Variants in USP17L2 observed in about 807,000 individuals in gnomAD.
USP17L2 encodes the protein ubiquitin specific peptidase 17 like family member 2.
A neutral mutation model predicts 39.8 loss-of-function variants in USP17L2; 29 were observed. That is an observed-to-expected ratio of 0.73 (90% CI 0.54 to 0.99). The LOEUF is 0.99. Among genes scored for constraint, USP17L2 ranks in the 50% least tolerant of loss-of-function variants. The pLI, the probability that USP17L2 is intolerant of heterozygous loss-of-function variation, is 0.00. For missense variants in USP17L2, 567 were observed against 647.2 expected (o/e 0.88, Z 1.35); for synonymous variants, 231 against 252.7 (o/e 0.91, Z 0.81).
At position 12,137,682 on chromosome 8, in the gene USP17L2, G is replaced by T; in HGVS notation, c.1079C>A (p.Thr360Asn). The T allele has an allele frequency of 1.3e-6, 2 of 1,533,626 alleles. No individual in the cohort carries two copies. Among genetic ancestry groups the T allele is most frequent in the Non-Finnish European group, 1.8e-6 (2 of 1,134,730 alleles). ...ATAGGCCTGTTGACTCAGGACAGAA[G>T]TGATGCTACAGGCAGTGACCTTGGC... ...DDAKVTACSI[T>N]SVLSQQAYVL... is the part of the protein sequence containing the mutation. Residue 360 changes from threonine (T) to asparagine (N), a missense_variant, in exon 1 of 1, where the codon ACT becomes AAT. Around this residue, in one of 6 missense-constraint regions of USP17L2, gnomAD observed 304 missense variants for 254.7 expected, o/e 1.19. Transcript: ENST00000333796.
chr8:12,138,812 G>A lies in USP17L2; in HGVS notation c.-52C>T, dbSNP rs773588672. On this transcript the variant is annotated 5_prime_UTR_variant, in exon 1 of 1. Coordinates refer to ENST00000333796, the MANE Select transcript of USP17L2 (RefSeq NM_201402.3). The stretch of plus-strand genomic sequence containing the variant: ...TTTTCTGCTGGGACTGCAGGTTGCA[G>A]CAAGACGCTATCTCTTCCAAGAGAG... The A allele has an allele frequency of 1.6e-5, 14 of 874,038 alleles. 3 individuals carry two copies. Among genetic ancestry groups the A allele is most frequent in the Non-Finnish European group, 2.4e-5 (13 of 552,466 alleles). 54.1% of individuals were successfully genotyped at this position (874,038 alleles called of 1,614,324 possible).
At position 12,137,662 on chromosome 8, in the gene USP17L2, C is replaced by T. The variant is rs77090751; in HGVS notation, c.1099G>A (p.Ala367Thr). The T allele has an allele frequency of 9.5e-4, 1,454 of 1,531,340 alleles. 178 individuals are homozygous for T. In the African/African-American group the frequency reaches 0.013, roughly 13 times the overall value. The allele number at this position is 1,531,340 out of a possible 1,614,324, so 94.9% of individuals were successfully genotyped here. A position where few individuals can be genotyped will look rare whatever the true frequency, so the allele number is the denominator to read the frequency against. ...CSITSVLSQQAYVLFYIQKSE... is the reference protein window; with the variant it reads ...CSITSVLSQQTYVLFYIQKSE... ...TTCTGGATGTAAAAGAGGACATAGG[C>T]CTGTTGACTCAGGACAGAAGTGATG... The change falls in exon 1 of 1, where the codon GCC becomes ACC. Residue 367 changes from alanine (A) to threonine (T), a missense_variant. Physicochemically the swap from Ala to Thr is moderately conservative, Grantham distance 58. Transcript: ENST00000333796.
rs1375781183 is a variant in USP17L2, at chr8:12,136,722, A to C, written c.*446T>G. 7.1e-6 allele frequency among the ~76,000 whole-genome samples: 1 copy of C among 140,730 alleles called. No homozygotes were observed. The highest frequency in any genetic ancestry group is 2.3e-4 in the East Asian group (1 of 4,338). 92.3% of individuals were successfully genotyped at this position (140,730 alleles called of 152,430 possible). ...CTATTCAAGGTGGCGAGAATGATCC[A>C]TGGATGTGCCACATGAGCAAAATTT... On this transcript the variant is annotated 3_prime_UTR_variant, in exon 1 of 1. Coordinates refer to ENST00000333796, the MANE Select transcript of USP17L2 (RefSeq NM_201402.3).
In USP17L2 at chr8:12,137,890, G is replaced by C. The variant is rs200666853; in HGVS notation, c.871C>G (p.Leu291Val). 6.5e-7 allele frequency: 1 copy of C among 1,532,438 alleles called. No individual in the cohort carries two copies. Among genetic ancestry groups the C allele is most frequent in the Non-Finnish European group, 8.8e-7 (1 of 1,132,128 alleles). The allele number at this position is 1,532,438 out of a possible 1,614,324, so 94.9% of individuals were successfully genotyped here. A position where few individuals can be genotyped will look rare whatever the true frequency, so the allele number is the denominator to read the frequency against. ...TCAGGATATTGCACATTCTTGGCAA[G>C]TTTGTTGCCTGTGACATCGGAGAAT... ...KRFSDVTGNK[L>V]AKNVQYPECL... The change falls in exon 1 of 1, where the codon CTT (leucine) becomes GTT (valine). Residue 291 changes from leucine to valine, a missense_variant. Physicochemically the swap from Leu to Val is conservative, Grantham distance 32 (BLOSUM62 1). Around this residue, in one of 6 missense-constraint regions of USP17L2, gnomAD observed 65 missense variants for 84.8 expected, o/e 0.77. Coordinates refer to ENST00000333796, the MANE Select transcript of USP17L2 (RefSeq NM_201402.3).
Position 12,137,244 on chromosome 8 carries a change from G to A in USP17L2, c.1517C>T (p.Ala506Val), listed in dbSNP as rs1293364727. The A allele has an allele frequency of 3.3e-6, 5 of 1,530,830 alleles. 1 individual carries two copies. The highest frequency in any genetic ancestry group is 2.6e-5 in the East Asian group (1 of 38,172). 94.8% of individuals were successfully genotyped at this position (1,530,830 alleles called of 1,614,324 possible). A position where few individuals can be genotyped will look rare whatever the true frequency, so the allele number is the denominator to read the frequency against. The change falls in exon 1 of 1, where the codon GCT (alanine) becomes GTT (valine). Residue 506 changes from alanine (A) to valine (V), a missense_variant. By Grantham distance (64) the Ala-to-Val change is moderately conservative. Coordinates refer to ENST00000333796, the MANE Select transcript of USP17L2 (RefSeq NM_201402.3). ...TCTCCTGGTCCTCCCTTGCAGAGAA[G>A]CGAGGGTGCCAGTGTTCACGGACTC... ...DQESVNTGTL[A>V]SLQGRTRRSK...
Position 12,137,228 on chromosome 8 carries a change from C to T in USP17L2, c.1533G>A (p.Arg511=). The change falls in exon 1 of 1, where the codon AGG becomes AGA. Residue 511 remains arginine (R), a synonymous_variant. Coordinates refer to ENST00000333796, the MANE Select transcript of USP17L2 (RefSeq NM_201402.3). The part of the protein sequence containing the change: ...NTGTLASLQG[R]TRRSKGKNKH... The stretch of plus-strand genomic sequence containing the variant: ...TGTTCTTCCCTTTGGATCTCCTGGT[C>T]CTCCCTTGCAGAGAAGCGAGGGTGC... The T allele has an allele frequency of 6.5e-7, 1 of 1,530,838 alleles. No homozygotes were observed. The highest frequency in any genetic ancestry group is 8.8e-7 in the Non-Finnish European group (1 of 1,135,212). The allele number at this position is 1,530,838 out of a possible 1,614,324, so 94.8% of individuals were successfully genotyped here. A position where few individuals can be genotyped will look rare whatever the true frequency, so the allele number is the denominator to read the frequency against.
chr8:12,138,281 A>G lies in USP17L2; in HGVS notation c.480T>C (p.Asp160=), dbSNP rs1161797895. Residue 160 remains aspartate (D), a synonymous_variant, in exon 1 of 1, where the codon GAT becomes GAC. Coordinates refer to ENST00000333796, the MANE Select transcript of USP17L2 (RefSeq NM_201402.3). ...CAGTGAACATGAGAAATTCATGGGC[A>G]TCTTCCTGCTTGCCTCTATGGAAGC... ...AAGFHRGKQE[D]AHEFLMFTVD... 4.9e-6 allele frequency: 7 copies of G among 1,440,172 alleles called. 2 individuals carry two copies. The highest frequency in any genetic ancestry group is 1.5e-5 in the African/African-American group (1 of 67,054). The allele number at this position is 1,440,172 out of a possible 1,614,324, so 89.2% of individuals were successfully genotyped here. A position where few individuals can be genotyped will look rare whatever the true frequency, so the allele number is the denominator to read the frequency against.
the USP17L2 span, chr8:12,137,314 G>A: frequency 1.3e-6 from 2 of 1,531,374 alleles, no homozygotes; most frequent in Non-Finnish European, 1.8e-6. Context: ...AGGGAGCTTT[G>A]CTGTTCAGGA....
rs376170326 is a variant in USP17L2 at position 12,137,474 on chromosome 8, A to T, written c.1287T>A (p.Thr429=). Residue 429 remains threonine (T), a synonymous_variant, in exon 1 of 1, where the codon ACT becomes ACA. Transcript: ENST00000333796. ...TCCAGTGGTCTAAGGTGCTTTCCTGAGTGGCTCTTTCCACCAAGCGCTCGT... is the reference window on the plus strand; with the variant it reads ...TCCAGTGGTCTAAGGTGCTTTCCTGTGTGGCTCTTTCCACCAAGCGCTCGT... ...ELDERLVERA[T]QESTLDHWKF... 126 of 1,532,264 alleles carry T rather than the reference A, an allele frequency of 8.2e-5. 13 individuals carry two copies. The African/African-American group carries it at 1.7e-3, about 21-fold the overall frequency. 94.9% of individuals were successfully genotyped at this position (1,532,264 alleles called of 1,614,324 possible).
At position 12,138,443 on chromosome 8, in the gene USP17L2, G is replaced by C. The variant is rs1172737867; in HGVS notation, c.318C>G (p.Asn106Lys). Residue 106 changes from asparagine to lysine, a missense_variant, in exon 1 of 1, where the codon AAC (asparagine) becomes AAG (lysine). By Grantham distance (94) the Asn-to-Lys change is moderately conservative. This residue lies in a region of USP17L2 where 67 missense variants were observed against 122.8 expected (regional missense o/e 0.55). Coordinates refer to ENST00000333796, the MANE Select transcript of USP17L2 (RefSeq NM_201402.3). Reference sequence around the variant, plus strand: ...GAGAGTGCTCCCGGGACAGCATGTAGTTGGCAAGGGGCGGTGTGTATGTCA... The same window carrying C: ...GAGAGTGCTCCCGGGACAGCATGTACTTGGCAAGGGGCGGTGTGTATGTCA... ...QCLTYTPPLA[N>K]YMLSREHSQT... The C allele has an allele frequency of 6.5e-7, 1 of 1,536,802 alleles. No individual in the cohort carries two copies. Among genetic ancestry groups the C allele is most frequent in the East Asian group, 2.5e-5 (1 of 39,292 alleles).
Position 12,137,968 on chromosome 8 carries a change from T to G in USP17L2, c.793A>C (p.Lys265Gln), listed in dbSNP as rs539785886. Residue 265 changes from lysine to glutamine, a missense_variant, in exon 1 of 1, where the codon AAG becomes CAG. Transcript: ENST00000333796. ...GCAGAAGTGTGTAAAGTTAACGTCTTGGAGGCCGGCGCCCTCTGGAGACAA... is the reference window on the plus strand; with the variant it reads ...GCAGAAGTGTGTAAAGTTAACGTCTGGGAGGCCGGCGCCCTCTGGAGACAA... ...GLCLQRAPAS[K>Q]TLTLHTSAKV... 4.0e-5 allele frequency: 61 copies of G among 1,516,602 alleles called. 15 individuals are homozygous for G. In the East Asian group the frequency reaches 1.5e-3, roughly 37 times the overall value. The allele number at this position is 1,516,602 out of a possible 1,614,324, so 93.9% of individuals were successfully genotyped here.
rs201875761 is a variant in USP17L2, at chr8:12,138,405, C to A, written c.356G>T (p.Arg119Leu). 3.4e-6 allele frequency: 5 copies of A among 1,485,686 alleles called. 1 individual carries two copies. The highest frequency in any genetic ancestry group is 3.6e-5 in the Admixed American group (2 of 56,168). The allele number at this position is 1,485,686 out of a possible 1,614,324, so 92.0% of individuals were successfully genotyped here. Residue 119 changes from arginine to leucine, a missense_variant, in exon 1 of 1, where the codon CGT (arginine) becomes CTT (leucine). This residue lies in a region of USP17L2 where 67 missense variants were observed against 122.8 expected (regional missense o/e 0.55). Transcript: ENST00000333796. ...AGTACAGAGCATGCAGCACTTGGGA[C>A]GCTGACATGTTTGAGAGTGCTCCCG... is the stretch of plus-strand genomic sequence containing the variant. The part of the protein sequence containing the change: ...LSREHSQTCQ[R>L]PKCCMLCTMQ...
chr8:12,137,083 GTGTT>G lies in USP17L2; in HGVS notation c.*81_*84del. The stretch of plus-strand genomic sequence containing the variant: ...GGTGTTCGTGTTTGTGTGTGTGTGT[GTGTT>G]TGCGTGCGCGCTTGTGGGTGTATTT... On this transcript the variant is annotated 3_prime_UTR_variant, in exon 1 of 1. Coordinates refer to ENST00000333796, the MANE Select transcript of USP17L2 (RefSeq NM_201402.3). The G allele has an allele frequency of 7.2e-7, 1 of 1,380,816 alleles. No individual in the cohort carries two copies. The highest frequency in any genetic ancestry group is 1.3e-5 in the South Asian group (1 of 76,638). 85.5% of individuals were successfully genotyped at this position (1,380,816 alleles called of 1,614,324 possible).
Position 12,136,986 on chromosome 8 carries a change from G to A in USP17L2, c.*182C>T, listed in dbSNP as rs1257669726. Among the ~76,000 whole-genome samples, 1 of 140,924 alleles carries A rather than the reference G, an allele frequency of 7.1e-6. No individual in the cohort carries two copies. Among genetic ancestry groups the A allele is most frequent in the Non-Finnish European group, 1.5e-5 (1 of 64,992 alleles). The allele number at this position is 140,924 out of a possible 152,430, so 92.5% of individuals were successfully genotyped here. A position where few individuals can be genotyped will look rare whatever the true frequency, so the allele number is the denominator to read the frequency against. On this transcript the variant is annotated 3_prime_UTR_variant, in exon 1 of 1. Coordinates refer to ENST00000333796, the MANE Select transcript of USP17L2 (RefSeq NM_201402.3). ...ATGTGTGGGCTCATCCTGAGATGCA[G>A]CCATCACTATCCAGTTGTCCCTGTT...
rs199935289 is a variant in USP17L2 at position 12,137,207 on chromosome 8, C to A, written c.1554G>T (p.Lys518Asn). 1.5e-3 allele frequency: 2,273 copies of A among 1,530,424 alleles called. 221 individuals carry two copies. The highest frequency in any genetic ancestry group is 0.014 in the African/African-American group (965 of 67,848). 94.8% of individuals were successfully genotyped at this position (1,530,424 alleles called of 1,614,324 possible). Residue 518 changes from lysine to asparagine, a missense_variant, in exon 1 of 1, where the codon AAG becomes AAT. This residue lies in a region of USP17L2 where 304 missense variants were observed against 254.7 expected (regional missense o/e 1.19). Coordinates refer to ENST00000333796, the MANE Select transcript of USP17L2 (RefSeq NM_201402.3). ...LQGRTRRSKG[K>N]NKHSKRALLV... ...GCAGAGCCCTCTTGCTGTGTTTGTTCTTCCCTTTGGATCTCCTGGTCCTCC... is the reference window on the plus strand; with the variant it reads ...GCAGAGCCCTCTTGCTGTGTTTGTTATTCCCTTTGGATCTCCTGGTCCTCC...
rs1184557301 is a variant in USP17L2 at position 12,137,341 on chromosome 8, C to G, written c.1420G>C (p.Gly474Arg). 5 of 1,531,364 alleles carry G rather than the reference C, an allele frequency of 3.3e-6. No individual in the cohort carries two copies. The highest frequency in any genetic ancestry group is 4.4e-6 in the Non-Finnish European group (5 of 1,135,130). 94.9% of individuals were successfully genotyped at this position (1,531,364 alleles called of 1,614,324 possible). The change falls in exon 1 of 1, where the codon GGG (glycine) becomes CGG (arginine). Residue 474 changes from glycine to arginine, a missense_variant. Physicochemically the swap from Gly to Arg is moderately radical, Grantham distance 125 (BLOSUM62 -2). This residue lies in a region of USP17L2 where 304 missense variants were observed against 254.7 expected (regional missense o/e 1.19). Transcript: ENST00000333796. Reference sequence around the variant, plus strand: ...TGTTCAGGATGATGGTTTTTCATCCCACACTTGTATTTCGATTGATGAATC... The same window carrying G: ...TGTTCAGGATGATGGTTTTTCATCCGACACTTGTATTTCGATTGATGAATC... ...LVIHQSKYKC[G>R]MKNHHPEQQS... is the part of the protein sequence containing the mutation.
In USP17L2 at chr8:12,138,695, A is replaced by T. The variant is rs749324489; in HGVS notation, c.66T>A (p.Ser22=). 6.1e-6 allele frequency: 9 copies of T among 1,469,962 alleles called. 1 individual carries two copies. Among genetic ancestry groups the T allele is most frequent in the Non-Finnish European group, 8.3e-6 (9 of 1,080,162 alleles). The allele number at this position is 1,469,962 out of a possible 1,614,324, so 91.1% of individuals were successfully genotyped here. A position where few individuals can be genotyped will look rare whatever the true frequency, so the allele number is the denominator to read the frequency against. Residue 22 remains serine, a synonymous_variant, in exon 1 of 1, where the codon TCT becomes TCA. Transcript: ENST00000333796. The part of the protein sequence containing the change: ...WQFNHFSKLT[S]SRPDAAFAEI... Reference sequence around the variant, plus strand: ...CAGCAAAAGCTGCATCTGGCCGAGAAGATGTGAGTTTTGAAAAGTGGTTGA... The same window carrying T: ...CAGCAAAAGCTGCATCTGGCCGAGATGATGTGAGTTTTGAAAAGTGGTTGA...
chr8:12,137,626 C>A, the USP17L2 span: 1 of 1,517,988 alleles, frequency 6.6e-7, no homozygotes, highest in Non-Finnish European at 8.9e-7. Flanking sequence ...CTGTGTCTTT[C>A]CCATTCACTC....
chr8:12,137,246 G>T lies in USP17L2; in HGVS notation c.1515C>A (p.Leu505=). 1 of 1,530,368 alleles carries T rather than the reference G, an allele frequency of 6.5e-7. No individual in the cohort carries two copies. The highest frequency in any genetic ancestry group is 2.6e-5 in the East Asian group (1 of 38,168). 94.8% of individuals were successfully genotyped at this position (1,530,368 alleles called of 1,614,324 possible). A position where few individuals can be genotyped will look rare whatever the true frequency, so the allele number is the denominator to read the frequency against. ...TDQESVNTGT[L]ASLQGRTRRS... ...TCCTGGTCCTCCCTTGCAGAGAAGCGAGGGTGCCAGTGTTCACGGACTCCT... is the reference window on the plus strand; with the variant it reads ...TCCTGGTCCTCCCTTGCAGAGAAGCTAGGGTGCCAGTGTTCACGGACTCCT... The change falls in exon 1 of 1, where the codon CTC becomes CTA. Residue 505 remains leucine (L), a synonymous_variant. Transcript: ENST00000333796.
Sources: gnomAD v4.1 joint callset for allele counts (sites outside exome capture counted in the v4.1 genomes callset) on GRCh38, gnomAD v4.1.1 for gene constraint, gnomAD v4.1.1 regional missense constraint, MANE v1.5 for transcripts, NCBI Gene and HGNC (gene_info 2026-07-23, HGNC 2026-07-21) for gene names.